SLC30A5: variants seen among roughly 807,000 people sequenced by gnomAD.
SLC30A5 encodes the protein solute carrier family 30 member 5, also known as proton-coupled zinc antiporter SLC30A5.
Under a neutral mutation model 79.6 loss-of-function variants are expected in SLC30A5, and 33 were observed. The observed-to-expected ratio is 0.41, with a 90% CI of 0.31 to 0.55. The LOEUF is 0.55. SLC30A5 is among the 20% of genes least tolerant of loss of function. The pLI, the probability that SLC30A5 is intolerant of heterozygous loss-of-function variation, is 0.20. For missense variants in SLC30A5, 788 were observed against 928.1 expected (o/e 0.85, Z 1.96); for synonymous variants, 299 against 319.7 (o/e 0.94, Z 0.69).
chr5:69,113,498 G>GA lies in SLC30A5; in HGVS notation c.535+281dup, dbSNP rs34871242. Among the ~76,000 whole-genome samples the GA allele has an allele frequency of 7.0e-3, 959 of 137,404 alleles. 10 individuals carry two copies. The highest frequency in any genetic ancestry group is 0.011 in the Non-Finnish European group (709 of 64,496). 90.1% of individuals were successfully genotyped at this position (137,404 alleles called of 152,430 possible). A position where few individuals can be genotyped will look rare whatever the true frequency, so the allele number is the denominator to read the frequency against. ...AATATTTTGGAATGTCCTGGTGCTGGAAAAAAAAAAGGTGATTTGCCACTC... is the reference window on the plus strand; with the variant it reads ...AATATTTTGGAATGTCCTGGTGCTGGAAAAAAAAAAAGGTGATTTGCCACTC... On this transcript the variant is annotated intron_variant, in intron 6 of 15. Coordinates refer to ENST00000396591, the MANE Select transcript of SLC30A5 (RefSeq NM_022902.5).
intron 6 of SLC30A5, among the ~76,000 whole-genome samples, chr5:69,113,439 C>T (rs1746286081): frequency 6.6e-6 from 1 of 151,862 alleles, no homozygotes; most frequent in Non-Finnish European, 1.5e-5. Flanking sequence ...ACCTACAGTA[C>T]CCTAAATTTT....
intron 1 of SLC30A5, among the ~76,000 whole-genome samples, chr5:69,098,137 C>T (rs562222623): frequency 6.6e-6 from 1 of 152,188 alleles, no homozygotes; most frequent in East Asian, 1.9e-4. Flanking sequence ...TGGCCCATCC[C>T]CCCACACCCC....
rs557582557 is a variant in SLC30A5 at position 69,100,059 on chromosome 5, C to G, written c.84-748C>G. Among the ~76,000 whole-genome samples the G allele has an allele frequency of 7.2e-5, 11 of 152,312 alleles. No individual in the cohort carries two copies. In the East Asian group the frequency reaches 2.1e-3, roughly 29 times the overall value. ...TTTCGACTCACTGCAACCTCTGCCT[C>G]CCGGGTTCAAGCGATTCTCTTGCCT... On this transcript the variant is annotated intron_variant, in intron 1 of 15. Coordinates refer to ENST00000396591, the MANE Select transcript of SLC30A5 (RefSeq NM_022902.5).
intron 13 of SLC30A5, among the ~76,000 whole-genome samples, chr5:69,122,266 A>G (rs193009691): frequency 3.6e-4 from 55 of 152,254 alleles, no homozygotes; most frequent in Admixed American, 2.1e-3. Flanking sequence ...ACATGGTGGC[A>G]GGTGCTTGTA....
At position 69,116,561 on chromosome 5, in the gene SLC30A5, A is replaced by C; in HGVS notation, c.1240A>C (p.Ser414Arg). Residue 414 changes from serine (S) to arginine (R), a missense_variant, in exon 10 of 16, where the codon AGT (serine) becomes CGT (arginine). By Grantham distance (110) the Ser-to-Arg change is moderately radical. This residue lies in a region of SLC30A5 where 626 missense variants were observed against 755.5 expected (regional missense o/e 0.83). Transcript: ENST00000396591. This position sits in a 1 kb window ranked among gnomAD's most constrained non-coding sequence, Gnocchi z 4.0. Reference sequence around the variant, plus strand: ...ATCACTAAAACAAATTCTTGAGGAGAGTGACTCTAGGCAGATCTTTTACTT... The same window carrying C: ...ATCACTAAAACAAATTCTTGAGGAGCGTGACTCTAGGCAGATCTTTTACTT... ...KESLKQILEE[S>R]DSRQIFYFLC... 6.2e-7 allele frequency: 1 copy of C among 1,608,782 alleles called. No individual in the cohort carries two copies. Among genetic ancestry groups the C allele is most frequent in the Non-Finnish European group, 8.5e-7 (1 of 1,178,348 alleles).
In SLC30A5 at chr5:69,128,035, G is replaced by T; in HGVS notation, c.2030G>T (p.Arg677Leu). Residue 677 changes from arginine to leucine, a missense_variant, in exon 15 of 16, where the codon CGA (arginine) becomes CTA (leucine). By Grantham distance (102) the Arg-to-Leu change is moderately radical (BLOSUM62 -2). Around this residue, in one of 3 missense-constraint regions of SLC30A5, gnomAD observed 158 missense variants for 156.2 expected, o/e 1.01. Coordinates refer to ENST00000396591, the MANE Select transcript of SLC30A5 (RefSeq NM_022902.5). ...AAAATTGAAGGATTAATATCATACC[G>T]AGACCCTCATTTTTGGCGTCATTCT... ...IQKIEGLISY[R>L]DPHFWRHSAS... The T allele has an allele frequency of 6.2e-7, 1 of 1,611,392 alleles. No individual in the cohort carries two copies. The highest frequency in any genetic ancestry group is 1.1e-5 in the South Asian group (1 of 91,010).
intron 4 of SLC30A5, among the ~76,000 whole-genome samples, chr5:69,105,934 T>C (rs2111953892): frequency 1.3e-5 from 2 of 152,350 alleles, no homozygotes; most frequent in South Asian, 2.1e-4. Context: ...GGAACAGTTA[T>C]GTCCTAAAAC....
intron 14 of SLC30A5, among the ~76,000 whole-genome samples, chr5:69,125,378 T>C (rs944096609): frequency 2.1e-5 from 3 of 144,168 alleles, no homozygotes; most frequent in Non-Finnish European, 3.0e-5. Flanking sequence ...TATAAAAAAT[T>C]AGCCGGGCAT....
At chr5:69,096,380 TAAAG>T (rs1369213123) in intron 1 of SLC30A5, among the ~76,000 whole-genome samples, 1 of 152,232 alleles carries the variant, frequency 6.6e-6, no homozygotes, top group Non-Finnish European at 1.5e-5. Flanking sequence ...TTCAAGAGTG[TAAAG>T]AGTGTATTGT....
chr5:69,118,741 A>T, intron 12 of SLC30A5, 113 bp downstream of exon 12: 3 of 738,744 alleles, frequency 4.1e-6, no homozygotes, highest in East Asian at 3.3e-5. Flanking sequence ...TTTTTTACTT[A>T]TATCAACATA....
Position 69,094,214 on chromosome 5 carries a change from AC to A in SLC30A5, c.-38del. On this transcript the variant is annotated 5_prime_UTR_variant, in exon 1 of 16. The change abolishes the stop of an existing upstream ORF in the 5' untranslated region. Coordinates refer to ENST00000396591, the MANE Select transcript of SLC30A5 (RefSeq NM_022902.5). The stretch of plus-strand genomic sequence containing the variant: ...CGCGGCAGCGGCGAGACATGAGGAG[AC>A]CCCGCGACAGGGGCAGCGGCGGCGG... 9.7e-7 allele frequency: 1 copy of A among 1,026,878 alleles called. No homozygotes were observed. Among genetic ancestry groups the A allele is most frequent in the South Asian group, 4.4e-5 (1 of 22,766 alleles). The allele number at this position is 1,026,878 out of a possible 1,614,324, so 63.6% of individuals were successfully genotyped here.
chr5:69,106,521 C>T (rs1411987137), intron 4 of SLC30A5, among the ~76,000 whole-genome samples: 1 of 152,182 alleles, frequency 6.6e-6, no homozygotes, highest in Non-Finnish European at 1.5e-5. Flanking sequence ...TCTACTAAAA[C>T]CATTATGCAG....
At chr5:69,095,357 C>A (rs574743291) in intron 1 of SLC30A5, among the ~76,000 whole-genome samples, 2 of 152,100 alleles carry the variant, frequency 1.3e-5, no homozygotes, top group African/African-American at 2.4e-5. Flanking sequence ...TACTCCACCA[C>A]GCCTGGCTAA....
In SLC30A5 at chr5:69,116,425, A is replaced by G. The variant is rs113434120; in HGVS notation, c.1104A>G (p.Arg368=). 6.2e-7 allele frequency: 1 copy of G among 1,605,278 alleles called. No individual in the cohort carries two copies. Among genetic ancestry groups the G allele is most frequent in the Non-Finnish European group, 8.5e-7 (1 of 1,177,514 alleles). Residue 368 remains arginine (R), a synonymous_variant, in exon 10 of 16, where the codon AGA becomes AGG. Coordinates refer to ENST00000396591, the MANE Select transcript of SLC30A5 (RefSeq NM_022902.5). This position sits in a 1 kb window ranked among gnomAD's most constrained non-coding sequence, Gnocchi z 4.0. ...ATATCTTATCATCTCCCTCTAAGAG[A>G]GGACAAAAAGGTACCCTTATTGGAT... The part of the protein sequence containing the change: ...SANILSSPSK[R]GQKGTLIGYS...
In SLC30A5 at chr5:69,094,492, C is replaced by T. The variant is rs375339220; in HGVS notation, c.83+154C>T. 1.7e-4 allele frequency among the ~76,000 whole-genome samples: 26 copies of T among 152,172 alleles called. 1 individual carries two copies. The highest frequency in any genetic ancestry group is 6.3e-4 in the African/African-American group (26 of 41,524). ...TCCCTGCGCGCAGGCTGCCTCCGGGCTCCCCGGGCTCTTCGGGTGCCTGCT... is the reference window on the plus strand; with the variant it reads ...TCCCTGCGCGCAGGCTGCCTCCGGGTTCCCCGGGCTCTTCGGGTGCCTGCT... On this transcript the variant is annotated intron_variant, in intron 1 of 15. Transcript: ENST00000396591.
intron 7 of SLC30A5, among the ~76,000 whole-genome samples, chr5:69,114,807 G>A (rs1443037428): frequency 6.6e-6 from 1 of 152,226 alleles, no homozygotes; most frequent in Non-Finnish European, 1.5e-5. Context: ...CGAGGTTGCA[G>A]TGAGCCAAGG....
intron 3 of SLC30A5, 78 bp from the exon 4 acceptor site, chr5:69,104,553 C>T (rs1746029434): frequency 7.0e-7 from 1 of 1,437,024 alleles, no homozygotes; most frequent in Admixed American, 2.7e-5. Context: ...TATTATCTTT[C>T]TGTATTTTAT....
At chr5:69,118,423 G>A in intron 11 of SLC30A5, 76 bp from the exon 12 acceptor site, 1 of 1,302,214 alleles carries the variant, frequency 7.7e-7, no homozygotes, top group South Asian at 1.5e-5. Flanking sequence ...ATTTGGACTT[G>A]TTTCCTCATT....
At chr5:69,119,049 C>T (rs990902010) in intron 12 of SLC30A5, among the ~76,000 whole-genome samples, 2 of 152,094 alleles carry the variant, frequency 1.3e-5, no homozygotes, top group African/African-American at 4.8e-5. Context: ...AATCCTCCCA[C>T]CTTGGCATCC....
Sources: allele counts gnomAD v4.1 joint callset (sites outside exome capture counted in the v4.1 genomes callset), GRCh38; gene constraint gnomAD v4.1.1; regional missense constraint gnomAD v4.1.1; non-coding constraint Gnocchi (gnomAD v3.1); transcripts MANE v1.5; gene names NCBI Gene and HGNC (gene_info 2026-07-23, HGNC 2026-07-21).